Variants in PPIG observed in about 807,000 individuals in gnomAD.
PPIG encodes peptidyl-prolyl cis-trans isomerase G.
PPIG carries 26 observed loss-of-function variants against 87.9 expected under a neutral mutation model. The ratio of observed to expected loss-of-function variants is 0.30; its 90% CI spans 0.22 to 0.41. PPIG has a LOEUF of 0.41. Among genes scored for constraint, PPIG ranks in the 10% least tolerant of loss-of-function variants. The pLI is 1.00. For synonymous variants in PPIG, 308 were observed against 276.5 expected (o/e 1.11, Z -1.13); for missense variants, 722 against 879.4 (o/e 0.82, Z 2.26).
At chr2:169,617,753 G>T (rs1357317937) in intron 9 of PPIG, among the ~76,000 whole-genome samples, 2 of 152,204 alleles carry the variant, frequency 1.3e-5, no homozygotes, top group African/African-American at 2.4e-5. Flanking sequence ...GAGATATGGG[G>T]CTGAGACGAT....
chr2:169,611,131 A>T (rs749515297), intron 7 of PPIG, among the ~76,000 whole-genome samples: 6 of 152,220 alleles, frequency 3.9e-5, no homozygotes, highest in Admixed American at 6.5e-5. Context: ...TGGAGGTTGC[A>T]GTGAGCCAGG....
intron 6 of PPIG, 100 bp downstream of exon 6, chr2:169,607,248 A>G: frequency 1.3e-6 from 1 of 745,310 alleles, no homozygotes; most frequent in Non-Finnish European, 2.1e-6. Context: ...AGGGTATACT[A>G]ATGTCTAGCT....
intron 9 of PPIG, among the ~76,000 whole-genome samples, chr2:169,622,012 A>G (rs1224026286): frequency 6.6e-6 from 1 of 152,012 alleles, no homozygotes; most frequent in Non-Finnish European, 1.5e-5. Flanking sequence ...ACTTGAGCCC[A>G]GGAGTTGAAG....
At position 169,637,035 on chromosome 2, in the gene PPIG, T is replaced by G. The variant is rs1686198019; in HGVS notation, c.1777T>G (p.Tyr593Asp). 13 of 1,613,280 alleles carry G rather than the reference T, an allele frequency of 8.1e-6. No individual in the cohort carries two copies. Among genetic ancestry groups the G allele is most frequent in the Non-Finnish European group, 1.1e-5 (13 of 1,179,892 alleles). ...CAGCAGAAGCAAGGAGTACCATAGA[T>G]ACAGAGAACAGGAATACAGGAGAAG... ...DRSRSKEYHR[Y>D]REQEYRRRGR... Residue 593 changes from tyrosine to aspartate, a missense_variant, in exon 14 of 14, where the codon TAC becomes GAC. Physicochemically the swap from Tyr to Asp is radical, Grantham distance 160. Coordinates refer to ENST00000260970, the MANE Select transcript of PPIG (RefSeq NM_004792.3).
chr2:169,606,451 G>A (rs1470664928), intron 5 of PPIG, among the ~76,000 whole-genome samples: 43 of 151,994 alleles, frequency 2.8e-4, no homozygotes, highest in Admixed American at 2.8e-3. Context: ...AATTTGCTGG[G>A]CATGATGGCA....
At chr2:169,607,536 T>C (rs927417928) in intron 6 of PPIG, among the ~76,000 whole-genome samples, 1 of 152,212 alleles carries the variant, frequency 6.6e-6, no homozygotes. Context: ...AAAATTTGAC[T>C]ATAATATTTT....
At chr2:169,588,151 G>C (rs1344217038) in intron 1 of PPIG, among the ~76,000 whole-genome samples, 1 of 151,978 alleles carries the variant, frequency 6.6e-6, no homozygotes, top group Non-Finnish European at 1.5e-5. Context: ...GGAAACGAGC[G>C]AAACTCCATC....
chr2:169,604,335 T>G (rs1377373482), intron 4 of PPIG, 74 bp downstream of exon 4: 29 of 1,104,868 alleles, frequency 2.6e-5, no homozygotes, highest in African/African-American at 1.7e-4. Flanking sequence ...TGGTTTTTTT[T>G]TTTTTTTTTT....
intron 7 of PPIG, among the ~76,000 whole-genome samples, chr2:169,614,009 A>G (rs1034445498): frequency 6.6e-6 from 1 of 152,254 alleles, no homozygotes; most frequent in African/African-American, 2.4e-5. Flanking sequence ...ATGTCTGAGG[A>G]TCATAAGAAT....
chr2:169,589,409 G>A (rs1684799110), intron 1 of PPIG, among the ~76,000 whole-genome samples: 1 of 152,202 alleles, frequency 6.6e-6, no homozygotes, highest in East Asian at 1.9e-4. Flanking sequence ...GTGCATTTTC[G>A]TTTCTCATTT....
At chr2:169,597,112 T>C (rs1346622445) in intron 1 of PPIG, among the ~76,000 whole-genome samples, 10 of 152,212 alleles carry the variant, frequency 6.6e-5, no homozygotes, top group Non-Finnish European at 8.8e-5. Context: ...CTCCTTGATA[T>C]ATGATTTCCT....
At chr2:169,624,997 G>A (rs1345951127) in intron 9 of PPIG, among the ~76,000 whole-genome samples, 2 of 151,896 alleles carry the variant, frequency 1.3e-5, no homozygotes, top group African/African-American at 4.8e-5. Flanking sequence ...ATATATTTAT[G>A]GTATACAGCG....
chr2:169,636,822 CAGTT>C lies in PPIG; in HGVS notation c.1567_1570del (p.Leu523AsnfsTer28), dbSNP rs1686191906. Reference sequence around the variant, plus strand: ...GAGTAGAAGTAAAGAGAAGTCTAAACAGTTAGAATCAAAGAGTAATGAGCATGAT... The same window carrying C: ...GAGTAGAAGTAAAGAGAAGTCTAAACAGAATCAAAGAGTAATGAGCATGAT... On this transcript the variant is annotated frameshift_variant, in exon 14 of 14. Coordinates refer to ENST00000260970, the MANE Select transcript of PPIG (RefSeq NM_004792.3). LOFTEE classifies it high-confidence loss of function. 1 of 1,613,310 alleles carries C rather than the reference CAGTT, an allele frequency of 6.2e-7. No homozygotes were observed. The highest frequency in any genetic ancestry group is 1.3e-5 in the African/African-American group (1 of 74,834).
rs1376057752 is a variant in PPIG, at chr2:169,617,580, G to A, written c.547+2856G>A. On this transcript the variant is annotated intron_variant, in intron 9 of 13. Transcript: ENST00000260970. The stretch of plus-strand genomic sequence containing the variant: ...CTTGAAGAGGTCCTTCACATCCCGT[G>A]TAAGTTGTGTTCCTAGGTTTTTTAT... Among the ~76,000 whole-genome samples the A allele has an allele frequency of 2.0e-5, 3 of 152,284 alleles. No homozygotes were observed. The East Asian group carries it at 5.8e-4, about 29-fold the overall frequency.
chr2:169,631,026 G>A (rs1287841995), intron 10 of PPIG, 39 bp downstream of exon 10: 1 of 1,485,478 alleles, frequency 6.7e-7, no homozygotes, highest in African/African-American at 1.4e-5. Flanking sequence ...TTTATATTCT[G>A]ATTTCCTTTC....
chr2:169,600,967 T>C (rs1030115801), intron 1 of PPIG, among the ~76,000 whole-genome samples: 1 of 152,170 alleles, frequency 6.6e-6, no homozygotes, highest in African/African-American at 2.4e-5. Context: ...CCCAATGACT[T>C]CCATTCCTAG....
intron 1 of PPIG, among the ~76,000 whole-genome samples, chr2:169,588,838 T>C (rs1684776022): frequency 6.6e-6 from 1 of 151,228 alleles, no homozygotes; most frequent in Non-Finnish European, 1.5e-5. Context: ...CGCATGCCTG[T>C]AATCCCAGCT....
intron 11 of PPIG, among the ~76,000 whole-genome samples, chr2:169,632,882 A>G (rs1416906759): frequency 1.3e-5 from 2 of 149,608 alleles, no homozygotes; most frequent in Non-Finnish European, 3.0e-5. Context: ...GCTCACACCT[A>G]TAATCCCAGC....
At chr2:169,612,185 C>T (rs769663191) in intron 7 of PPIG, among the ~76,000 whole-genome samples, 5 of 152,020 alleles carry the variant, frequency 3.3e-5, no homozygotes, top group Non-Finnish European at 5.9e-5. Flanking sequence ...CCACTATTTC[C>T]AGAATTGTTT....
Sources: allele counts gnomAD v4.1 joint callset (sites outside exome capture counted in the v4.1 genomes callset), GRCh38; gene constraint gnomAD v4.1.1; transcripts MANE v1.5; gene names NCBI Gene and HGNC (gene_info 2026-07-23, HGNC 2026-07-21).